TMCO1: variants seen among roughly 807,000 people sequenced by gnomAD.
TMCO1 encodes transmembrane and coiled-coil domains 1, also known as calcium load-activated calcium channel.
A neutral mutation model predicts 29.3 loss-of-function variants in TMCO1; 29 were observed. The observed-to-expected ratio is 0.99, with a 90% CI of 0.74 to 1.35. The LOEUF (loss-of-function observed/expected upper bound fraction) is 1.35. Ranked by LOEUF, TMCO1 falls within the 40% of genes most tolerant of loss-of-function variation. The pLI is 0.00. For missense variants in TMCO1, 173 were observed against 225.5 expected (o/e 0.77, Z 1.49); for synonymous variants, 80 against 77.1 (o/e 1.04, Z -0.20).
intron 2 of TMCO1, among the ~76,000 whole-genome samples, chr1:165,767,960 G>A (rs892418428): frequency 3.2e-4 from 49 of 152,150 alleles, no homozygotes; most frequent in African/African-American, 1.0e-3. Context: ...AAGCCACTGC[G>A]CCAGATTGAA....
chr1:165,747,896 C>T (rs913857122), intron 5 of TMCO1, among the ~76,000 whole-genome samples: 2 of 152,158 alleles, frequency 1.3e-5, no homozygotes, highest in African/African-American at 4.8e-5. Context: ...TGGTGGCTCA[C>T]ACCTGTAATA....
chr1:165,726,415 G>A (rs1293724783), downstream of TMCO1: 1 of 618,688 alleles, frequency 1.6e-6, no homozygotes, highest in Non-Finnish European at 3.0e-6. Context: ...TTGAGGAGAT[G>A]GGATGAGAAG....
At chr1:165,746,110 T>C (rs1651786433) in intron 5 of TMCO1, among the ~76,000 whole-genome samples, 1 of 152,026 alleles carries the variant, frequency 6.6e-6, no homozygotes, top group African/African-American at 2.4e-5. Context: ...TGGAACCCCC[T>C]CTGTACTAAC....
intron 2 of TMCO1, among the ~76,000 whole-genome samples, chr1:165,763,537 C>A (rs1188239526): frequency 2.0e-5 from 3 of 152,216 alleles, no homozygotes; most frequent in Non-Finnish European, 2.9e-5. Context: ...CAACCTACCT[C>A]ATACTTACCT....
intron 3 of TMCO1, among the ~76,000 whole-genome samples, chr1:165,757,158 A>C (rs1315779659): frequency 6.6e-6 from 1 of 152,212 alleles, no homozygotes; most frequent in Non-Finnish European, 1.5e-5. Flanking sequence ...ATTGAAAACT[A>C]ATAGAAACAG....
intron 6 of TMCO1, among the ~76,000 whole-genome samples, chr1:165,730,192 C>T (rs1047290095): frequency 6.8e-6 from 1 of 146,810 alleles, no homozygotes; most frequent in African/African-American, 2.5e-5. Context: ...AAAAATTAGC[C>T]GGGAGAGGTG....
chr1:165,734,678 T>C (rs2101790369), intron 6 of TMCO1, among the ~76,000 whole-genome samples: 1 of 152,146 alleles, frequency 6.6e-6, no homozygotes, highest in East Asian at 1.9e-4. Context: ...GCTAATTTTG[T>C]ATTTTTAGTA....
At chr1:165,738,436 A>AG (rs1489099849) in intron 6 of TMCO1, among the ~76,000 whole-genome samples, 1 of 152,240 alleles carries the variant, frequency 6.6e-6, no homozygotes, top group Non-Finnish European at 1.5e-5. Flanking sequence ...AGGCAACCAT[A>AG]GAGTCAATTC....
chr1:165,744,080 G>A (rs1002438206), intron 5 of TMCO1, among the ~76,000 whole-genome samples: 2 of 151,858 alleles, frequency 1.3e-5, no homozygotes, highest in African/African-American at 4.8e-5. Flanking sequence ...TGATGGTCTC[G>A]ATCTCTTGAC....
intron 4 of TMCO1, among the ~76,000 whole-genome samples, chr1:165,753,984 T>C (rs1322520230): frequency 6.6e-6 from 1 of 152,096 alleles, no homozygotes; most frequent in Non-Finnish European, 1.5e-5. Context: ...AACTAAGAAC[T>C]GTGTGAAGAG....
chr1:165,724,548 C>T, downstream of TMCO1: 1 of 454,086 alleles, frequency 2.2e-6, no homozygotes, highest in Non-Finnish European at 4.4e-6. Context: ...GATGCAAATT[C>T]CCAGACTCCA....
chr1:165,743,442 T>A, intron 5 of TMCO1, 131 bp from the exon 6 acceptor site: 1 of 901,740 alleles, frequency 1.1e-6, no homozygotes, highest in Non-Finnish European at 1.7e-6. Context: ...GAGGGTGACA[T>A]GCTAAAAATA....
rs546615142 is a variant in TMCO1 at position 165,748,413 on chromosome 1, T to C, written c.323+3689A>G. Among the ~76,000 whole-genome samples the C allele has an allele frequency of 9.2e-5, 14 of 152,152 alleles. No individual in the cohort carries two copies. The South Asian group carries it at 2.9e-3, about 32-fold the overall frequency. On this transcript the variant is annotated intron_variant, in intron 5 of 6. Coordinates refer to ENST00000367881, the MANE Select transcript of TMCO1 (RefSeq NM_019026.6). The stretch of plus-strand genomic sequence containing the variant: ...TCATTGAAACTAGGATGGGAGCTGG[T>C]GCTAGGATGAATGAGAAGAGAGGGA...
rs369110383 is a variant in TMCO1 at position 165,745,663 on chromosome 1, A to T, written c.324-2352T>A. Among the ~76,000 whole-genome samples, 7 of 152,102 alleles carry T rather than the reference A, an allele frequency of 4.6e-5. No homozygotes were observed. In the East Asian group the frequency reaches 5.8e-4, roughly 13 times the overall value. On this transcript the variant is annotated intron_variant, in intron 5 of 6. Transcript: ENST00000367881. ...TCTGGTCTCAAAAACAGATGATCAA[A>T]GTTAAACTTGGAGAAATTATGTTAA...
At chr1:165,737,340 A>G (rs1651427896) in intron 6 of TMCO1, among the ~76,000 whole-genome samples, 1 of 152,198 alleles carries the variant, frequency 6.6e-6, no homozygotes, top group Non-Finnish European at 1.5e-5. Context: ...AACAGAAAAA[A>G]AAAAAGATTT....
chr1:165,745,603 C>T (rs1490829102), intron 5 of TMCO1, among the ~76,000 whole-genome samples: 1 of 151,838 alleles, frequency 6.6e-6, no homozygotes, highest in Non-Finnish European at 1.5e-5. Context: ...ATAGTGATCA[C>T]ACCACTGCAC....
At chr1:165,732,939 G>A (rs1651230001) in intron 6 of TMCO1, among the ~76,000 whole-genome samples, 1 of 152,046 alleles carries the variant, frequency 6.6e-6, no homozygotes, top group South Asian at 2.1e-4. Context: ...ATATTCCTGT[G>A]GGTGCTATTT....
downstream of TMCO1, chr1:165,724,912 T>C (rs1650788635): frequency 2.2e-6 from 1 of 453,260 alleles, no homozygotes; most frequent in Non-Finnish European, 4.4e-6. Context: ...GGGTTACAGA[T>C]GACACAAATT....
intron 4 of TMCO1, among the ~76,000 whole-genome samples, chr1:165,753,713 A>C (rs1652082627): frequency 6.6e-6 from 1 of 152,118 alleles, no homozygotes; most frequent in Non-Finnish European, 1.5e-5. Context: ...TGGGAGGCTG[A>C]GACAAGAGGG....
Sources: allele counts gnomAD v4.1 joint callset (sites outside exome capture counted in the v4.1 genomes callset), GRCh38; gene constraint gnomAD v4.1.1; transcripts MANE v1.5; gene names NCBI Gene and HGNC (gene_info 2026-07-23, HGNC 2026-07-21).